The following IQCH variants were observed in gnomAD, a reference collection of about 807,000 sequenced individuals.
The protein encoded by IQCH is IQ domain-containing protein H.
Under a neutral mutation model 117.0 loss-of-function variants are expected in IQCH, and 98 were observed. The ratio of observed to expected loss-of-function variants is 0.84; its 90% CI spans 0.71 to 0.99. The LOEUF (loss-of-function observed/expected upper bound fraction) is 0.99. IQCH is among the 50% of genes least tolerant of loss of function. The pLI, the probability that IQCH is intolerant of heterozygous loss-of-function variation, is 0.00. For missense variants in IQCH, 1,102 were observed against 1,243.8 expected (o/e 0.89, Z 1.72); for synonymous variants, 412 against 448.2 (o/e 0.92, Z 1.02).
chr15:67,380,635 A>G (rs1326268873), intron 10 of IQCH, among the ~76,000 whole-genome samples: 1 of 152,212 alleles, frequency 6.6e-6, no homozygotes, highest in African/African-American at 2.4e-5. Flanking sequence ...TTTTTCTACC[A>G]TTAGAATACC....
chr15:67,259,887 T>G (rs1965389060), intron 1 of IQCH, among the ~76,000 whole-genome samples: 1 of 152,258 alleles, frequency 6.6e-6, no homozygotes, highest in Non-Finnish European at 1.5e-5. Flanking sequence ...GATTTCAATC[T>G]GTGAGCTCTG....
intron 16 of IQCH, among the ~76,000 whole-genome samples, chr15:67,452,125 C>T (rs1453763388): frequency 2.0e-5 from 3 of 152,100 alleles, no homozygotes; most frequent in Admixed American, 6.5e-5. Context: ...TGTGCCTGCA[C>T]GTGAGATGGG....
intron 3 of IQCH, among the ~76,000 whole-genome samples, chr15:67,277,456 G>A (rs1227625277): frequency 1.3e-5 from 2 of 149,316 alleles, no homozygotes; most frequent in East Asian, 4.0e-4. Flanking sequence ...GAGGGTTTAT[G>A]TTTATCTGAC....
In IQCH at chr15:67,396,111, A is replaced by T. The variant is rs189488674; in HGVS notation, c.1905+548A>T. Among the ~76,000 whole-genome samples, 4 of 152,340 alleles carry T rather than the reference A, an allele frequency of 2.6e-5. No individual in the cohort carries two copies. The East Asian group carries it at 5.8e-4, about 22-fold the overall frequency. The stretch of plus-strand genomic sequence containing the variant: ...TATCATTTGGACTAATCTGCTATCA[A>T]TATTTAATGCTTTAACATGGATTAA... On this transcript the variant is annotated intron_variant, in intron 13 of 20. Coordinates refer to ENST00000335894, the MANE Select transcript of IQCH (RefSeq NM_001031715.3).
In IQCH at chr15:67,342,573, A is replaced by G. The variant is rs1183355557; in HGVS notation, c.509-1490A>G. Among the ~76,000 whole-genome samples, 1 of 152,154 alleles carries G rather than the reference A, an allele frequency of 6.6e-6. No homozygotes were observed. The highest frequency in any genetic ancestry group is 2.4e-5 in the African/African-American group (1 of 41,438). The stretch of plus-strand genomic sequence containing the variant: ...TAAATTATAAGGAGACCTGTTTTTC[A>G]CATCTGCAAAACAGAGTTCTTGGAA... On this transcript the variant is annotated intron_variant, in intron 5 of 20. Coordinates refer to ENST00000335894, the MANE Select transcript of IQCH (RefSeq NM_001031715.3). This position sits in a 1 kb window ranked among gnomAD's most constrained non-coding sequence, Gnocchi z 4.7.
chr15:67,254,843 T>A lies in IQCH; in HGVS notation c.-54T>A. On this transcript the variant is annotated 5_prime_UTR_variant, in exon 1 of 21. Transcript: ENST00000335894. The stretch of plus-strand genomic sequence containing the variant: ...GGGGACGAGCGGCTCCGGCTGAAGG[T>A]TTCCGTGCTTGGAAACCGCGCCTCC... 2.5e-6 allele frequency: 4 copies of A among 1,577,486 alleles called. No homozygotes were observed.
intron 16 of IQCH, among the ~76,000 whole-genome samples, chr15:67,462,094 GCTGAAGTTACAGGCATGAGCCA>G (rs2082812047): frequency 6.6e-6 from 1 of 151,540 alleles, no homozygotes; most frequent in South Asian, 2.1e-4. Flanking sequence ...CTCCCAAAGT[GCTGAAGTTACAGGCATGAGCCA>G]CTGCGCCCGG....
In IQCH at chr15:67,457,174, C is replaced by T. The variant is rs531906124; in HGVS notation, c.2506-7953C>T. Among the ~76,000 whole-genome samples the T allele has an allele frequency of 2.6e-5, 4 of 152,258 alleles. No individual in the cohort carries two copies. The South Asian group carries it at 8.3e-4, about 32-fold the overall frequency. Reference sequence around the variant, plus strand: ...TCTCCCCTCTGCCTATTGATTTAGGCAGAGGGCCTATTGCATTTTAATGTT... The same window carrying T: ...TCTCCCCTCTGCCTATTGATTTAGGTAGAGGGCCTATTGCATTTTAATGTT... On this transcript the variant is annotated intron_variant, in intron 16 of 20. Coordinates refer to ENST00000335894, the MANE Select transcript of IQCH (RefSeq NM_001031715.3). The surrounding 1 kb of genome is among the most constrained non-coding windows in gnomAD (Gnocchi z 5.7).
chr15:67,383,203 GT>G (rs919067476), intron 10 of IQCH, among the ~76,000 whole-genome samples: 5 of 152,150 alleles, frequency 3.3e-5, no homozygotes, highest in African/African-American at 7.2e-5. Context: ...CTTACAAGGT[GT>G]TTTCATGTCT....
chr15:67,440,326 C>T (rs1411724313), intron 16 of IQCH, among the ~76,000 whole-genome samples: 1 of 152,178 alleles, frequency 6.6e-6, no homozygotes, highest in African/African-American at 2.4e-5. Context: ...TGACACTATT[C>T]CACAAGATAG....
At chr15:67,300,051 T>C (rs1966948380) in intron 4 of IQCH, among the ~76,000 whole-genome samples, 2 of 152,164 alleles carry the variant, frequency 1.3e-5, no homozygotes, top group Admixed American at 6.6e-5. Context: ...ATCATTCCTT[T>C]GCATTTTTTT....
intron 3 of IQCH, among the ~76,000 whole-genome samples, chr15:67,266,947 G>A (rs949203973): frequency 3.3e-5 from 5 of 152,124 alleles, no homozygotes; most frequent in Admixed American, 6.5e-5. Context: ...CTTAAGACAC[G>A]TACGTTTTTT....
chr15:67,469,424 C>T (rs1434256242), intron 17 of IQCH, among the ~76,000 whole-genome samples: 2 of 152,188 alleles, frequency 1.3e-5, no homozygotes, highest in East Asian at 1.9e-4. Flanking sequence ...ATCTCCTGTA[C>T]GGGGACACAG....
intron 3 of IQCH, among the ~76,000 whole-genome samples, chr15:67,267,918 T>C (rs1965743291): frequency 6.6e-6 from 1 of 152,208 alleles, no homozygotes. Context: ...TTCATCATCA[T>C]CATTAATATT....
rs7163598 is a variant in IQCH, at chr15:67,422,444, G to A, written c.2505+867G>A. Among the ~76,000 whole-genome samples the A allele has an allele frequency of 0.99, 151,086 of 152,278 alleles. 74,960 individuals are homozygous for A. Among genetic ancestry groups the A allele is most frequent in the Middle Eastern group, 1 (294 of 294 alleles). On this transcript the variant is annotated intron_variant, in intron 16 of 20. Transcript: ENST00000335894. The surrounding 1 kb of genome is among the most constrained non-coding windows in gnomAD (Gnocchi z 4.7). ...CAGCTTAAGAAACAAAGTGGTGTCA[G>A]TGCCACCTGCAGTCCTGTGTACTCC... is the stretch of plus-strand genomic sequence containing the variant.
intron 4 of IQCH, among the ~76,000 whole-genome samples, chr15:67,327,247 C>G (rs1483329000): frequency 6.6e-6 from 1 of 152,122 alleles, no homozygotes; most frequent in African/African-American, 2.4e-5. Context: ...TTTTCAATTA[C>G]AAGCTTTCTG....
rs376227985 is a variant in IQCH at position 67,408,955 on chromosome 15, T to G, written c.2098-7976T>G. Among the ~76,000 whole-genome samples the G allele has an allele frequency of 2.4e-4, 37 of 152,328 alleles. No homozygotes were observed. The highest frequency in any genetic ancestry group is 8.9e-4 in the African/African-American group (37 of 41,576). ...ACTCTTATATTTTAATATAATTTCC[T>G]TAAAACCATTTTCCAATGTTAAAAA... On this transcript the variant is annotated intron_variant, in intron 14 of 20. Transcript: ENST00000335894. The surrounding 1 kb of genome is among the most constrained non-coding windows in gnomAD (Gnocchi z 4.2).
At chr15:67,316,345 G>T (rs892365690) in intron 4 of IQCH, among the ~76,000 whole-genome samples, 3 of 152,044 alleles carry the variant, frequency 2.0e-5, no homozygotes, top group Admixed American at 6.6e-5. Context: ...CATAATTTTG[G>T]GCAGGAGGTT....
chr15:67,371,892 A>C (rs1426568808), intron 8 of IQCH, among the ~76,000 whole-genome samples: 1 of 152,200 alleles, frequency 6.6e-6, no homozygotes, highest in Non-Finnish European at 1.5e-5. Flanking sequence ...AAAAATGTTA[A>C]TAGATTTGAG....
Sources: gnomAD v4.1 joint callset for allele counts (sites outside exome capture counted in the v4.1 genomes callset) on GRCh38, gnomAD v4.1.1 for gene constraint, Gnocchi (gnomAD v3.1) non-coding constraint, MANE v1.5 for transcripts, NCBI Gene and HGNC (gene_info 2026-07-23, HGNC 2026-07-21) for gene names.